The following MACF1 variants were observed in gnomAD, a reference collection of about 807,000 sequenced individuals.
MACF1 encodes the protein microtubule-actin cross-linking factor 1.
A neutral mutation model predicts 854.8 loss-of-function variants in MACF1; 193 were observed. The ratio of observed to expected loss-of-function variants is 0.23; its 90% confidence interval spans 0.20 to 0.25. The LOEUF (loss-of-function observed/expected upper bound fraction) is 0.25. Among genes scored for constraint, MACF1 ranks in the 10% least tolerant of loss-of-function variants. The probability of loss-of-function intolerance (pLI) is 1.00; values close to 1 mark genes in which losing one functional copy is unlikely to be tolerated. For synonymous variants in MACF1, 3,185 were observed against 3,226.7 expected, an observed-to-expected ratio of 0.99 and a Z score of 0.44; for missense variants, 7,722 against 8,929.1, an observed-to-expected ratio of 0.86 and a Z score of 5.45.
At chr1:39,434,675 C>G (rs370151769) in intron 69 of MACF1, 43 bp downstream of exon 69, 1 of 1,553,978 alleles carries the variant, frequency 6.4e-7, no homozygotes, top group Non-Finnish European at 8.8e-7. Flanking sequence ...CTAAAATGGT[C>G]TCTATAATTT....
At chr1:39,290,057 T>C (rs1178034151) in intron 15 of MACF1, among the ~76,000 whole-genome samples, 1 of 152,132 alleles carries the variant, frequency 6.6e-6, no homozygotes, top group East Asian at 1.9e-4. Context: ...TGTAATCCCA[T>C]TTGTTCATTT....
chr1:39,429,765 G>T, intron 64 of MACF1, 62 bp from the exon 65 acceptor site: 2 of 1,491,630 alleles, frequency 1.3e-6, no homozygotes, highest in Middle Eastern at 2.0e-4. Flanking sequence ...GAAGAAAGGG[G>T]ATCAGAGACT....
At chr1:39,437,337 G>A (rs1282580333) in intron 70 of MACF1, among the ~76,000 whole-genome samples, 1 of 147,592 alleles carries the variant, frequency 6.8e-6, no homozygotes, top group Non-Finnish European at 1.5e-5. Context: ...TTTAGACAAA[G>A]TCTTACTCTG....
chr1:39,134,282 G>A (rs934944832), intron 2 of MACF1, among the ~76,000 whole-genome samples: 11 of 151,416 alleles, frequency 7.3e-5, no homozygotes, highest in Non-Finnish European at 1.5e-4. Context: ...TCCTGACCTC[G>A]TGATCCGCCC....
intron 48 of MACF1, 98 bp downstream of exon 48, chr1:39,361,099 G>A: frequency 1.0e-6 from 1 of 981,638 alleles, no homozygotes; most frequent in Admixed American, 2.3e-5. Flanking sequence ...CCTAATATCT[G>A]TGAATCATCT....
At chr1:39,157,421 T>C (rs1643714670) in intron 2 of MACF1, among the ~76,000 whole-genome samples, 1 of 152,242 alleles carries the variant, frequency 6.6e-6, no homozygotes, top group African/African-American at 2.4e-5. Context: ...GCAGTGTATT[T>C]GGTATGCTGT....
chr1:39,252,030 A>G, intron 4 of MACF1, 89 bp downstream of exon 4: 1 of 824,228 alleles, frequency 1.2e-6, no homozygotes, highest in Non-Finnish European at 1.7e-6. Context: ...GTCTCGAAGT[A>G]GTTCAGTTAC....
intron 23 of MACF1, among the ~76,000 whole-genome samples, chr1:39,307,908 T>C (rs1646220601): frequency 1.6e-5 from 2 of 122,348 alleles, no homozygotes; most frequent in African/African-American, 3.1e-5. Flanking sequence ...TTTCTTTTTT[T>C]TTTTTTTTTT....
Position 39,439,395 on chromosome 1 carries a change from G to A in MACF1, c.18342G>A (p.Met6114Ile), listed in dbSNP as rs757299416. The change falls in exon 72 of 101, where the codon ATG becomes ATA. Residue 6114 changes from methionine (M) to isoleucine (I), a missense_variant. Met to Ile is a conservative substitution (Grantham distance 10, BLOSUM62 1). Coordinates refer to ENST00000564288, the MANE Select transcript of MACF1 (RefSeq NM_001394062.1). ...TAGCAGAGAAGTTCTGGTATGACAT[G>A]GCAGCTCTCCTGACCACCATCAAAG... ...LELAEKFWYDMAALLTTIKDT... is the reference protein window; with the variant it reads ...LELAEKFWYDIAALLTTIKDT... 9 of 1,614,084 alleles carry A rather than the reference G, an allele frequency of 5.6e-6. No homozygotes were observed. Among genetic ancestry groups the A allele is most frequent in the Non-Finnish European group, 7.6e-6 (9 of 1,179,960 alleles).
At chr1:39,444,080 A>G (rs1220120763) in intron 79 of MACF1, among the ~76,000 whole-genome samples, 2 of 152,236 alleles carry the variant, frequency 1.3e-5, no homozygotes, top group African/African-American at 4.8e-5. Flanking sequence ...TCACGCCTGT[A>G]ATCCCAGCAC....
intron 2 of MACF1, among the ~76,000 whole-genome samples, chr1:39,102,440 G>C (rs35915715): frequency 2.0e-5 from 3 of 151,782 alleles, no homozygotes; most frequent in East Asian, 3.9e-4. Context: ...GAGGCGGGGG[G>C]GGGGTCAAGG....
At chr1:39,402,899 G>T (rs1249274261) in intron 58 of MACF1, among the ~76,000 whole-genome samples, 2 of 151,838 alleles carry the variant, frequency 1.3e-5, no homozygotes, top group African/African-American at 2.4e-5. Flanking sequence ...TTTCCTTTTT[G>T]GTTTGTCTTC....
chr1:39,297,860 TTTG>T lies in MACF1; in HGVS notation c.2481+116_2481+118del, dbSNP rs1645956862. The T allele has an allele frequency of 2.4e-6, 3 of 1,266,238 alleles. No individual in the cohort carries two copies. The Admixed American group carries it at 7.3e-5, about 31-fold the overall frequency. The allele number at this position is 1,266,238 out of a possible 1,614,324, so 78.4% of individuals were successfully genotyped here. Reference sequence around the variant, plus strand: ...GCAATGGGCCATTGTTGTAATAAAGTTTGGCTTACATTCAAATAGAGTTTAATC... The same window carrying T: ...GCAATGGGCCATTGTTGTAATAAAGTGCTTACATTCAAATAGAGTTTAATC... On this transcript the variant is annotated intron_variant, in intron 21 of 100. Coordinates refer to ENST00000564288, the MANE Select transcript of MACF1 (RefSeq NM_001394062.1).
At chr1:39,247,471 T>G (rs1432649532) in intron 2 of MACF1, among the ~76,000 whole-genome samples, 1 of 152,210 alleles carries the variant, frequency 6.6e-6, no homozygotes, top group African/African-American at 2.4e-5. Flanking sequence ...TCATAATTGT[T>G]TTGCTGCATG....
At chr1:39,163,363 A>G (rs1454276025) in intron 2 of MACF1, among the ~76,000 whole-genome samples, 1 of 149,214 alleles carries the variant, frequency 6.7e-6, no homozygotes, top group East Asian at 1.9e-4. Flanking sequence ...AAAAAAAAGA[A>G]AAGAAAAGAA....
At chr1:39,448,209 C>G (rs1330645227) in intron 83 of MACF1, 57 bp downstream of exon 83, 1 of 1,534,830 alleles carries the variant, frequency 6.5e-7, no homozygotes. Context: ...AAGCTTGTAT[C>G]TTGCCAAAAA....
chr1:39,146,654 G>A (rs1643471248), intron 2 of MACF1, among the ~76,000 whole-genome samples: 2 of 151,784 alleles, frequency 1.3e-5, no homozygotes, highest in Non-Finnish European at 2.9e-5. Flanking sequence ...TAAAATAATT[G>A]AACTCATGAG....
At chr1:39,294,071 A>G (rs114850429) in intron 18 of MACF1, among the ~76,000 whole-genome samples, 5,624 of 152,332 alleles carry the variant, frequency 0.037, 157 homozygotes, top group Middle Eastern at 0.068. Context: ...ACGGTTGCAT[A>G]AAAGATTAAG....
intron 1 of MACF1, among the ~76,000 whole-genome samples, chr1:39,217,932 C>T (rs1411092398): frequency 2.0e-5 from 3 of 148,402 alleles, no homozygotes; most frequent in South Asian, 4.4e-4. Context: ...GCCTGTAATC[C>T]CAGCACTTTG....
Sources: allele counts gnomAD v4.1 joint callset (sites outside exome capture counted in the v4.1 genomes callset), GRCh38; gene constraint gnomAD v4.1.1; transcripts MANE v1.5; gene names NCBI Gene and HGNC (gene_info 2026-07-23, HGNC 2026-07-21).